Variants in EVC observed in about 807,000 individuals in gnomAD.
The protein encoded by EVC is EvC ciliary complex subunit 1, also known as evC complex member EVC.
EVC carries 116 observed loss-of-function variants against 118.9 expected under a neutral mutation model. The observed-to-expected ratio is 0.98, with a 90% CI of 0.84 to 1.14. The LOEUF (loss-of-function observed/expected upper bound fraction) is 1.14, where lower values mean the gene tolerates loss of function less well. Ranked by LOEUF, EVC falls within the 50% of genes most tolerant of loss-of-function variation. EVC has a pLI of 0.00. For synonymous variants in EVC, 619 were observed against 534.7 expected (o/e 1.16, Z -2.18); for missense variants, 1,401 against 1,246.4 (o/e 1.12, Z -1.87).
At position 5,738,906 on chromosome 4, in the gene EVC, C is replaced by G. The variant is rs961531899; in HGVS notation, c.703-2810C>G. Among the ~76,000 whole-genome samples the G allele has an allele frequency of 4.6e-5, 7 of 152,082 alleles. No individual in the cohort carries two copies. The highest frequency in any genetic ancestry group is 8.8e-5 in the Non-Finnish European group (6 of 68,018). On this transcript the variant is annotated intron_variant, in intron 5 of 20. Coordinates refer to ENST00000264956, the MANE Select transcript of EVC (RefSeq NM_153717.3). The surrounding 1 kb of genome is among the most constrained non-coding windows in gnomAD (Gnocchi z 6.5). ...AATAATCATCTTAGGCTCAGATGATCATTAGCATTTTTTAGGAAGAAGTTA... is the reference window on the plus strand; with the variant it reads ...AATAATCATCTTAGGCTCAGATGATGATTAGCATTTTTTAGGAAGAAGTTA...
At chr4:5,824,295 C>T in the EVC span, 4 of 985,230 alleles carry the variant, frequency 4.1e-6, no homozygotes, top group Non-Finnish European at 4.8e-6. Flanking sequence ...TGACTTTTAG[C>T]ATTCTATTTA....
In EVC at chr4:5,746,884, A is replaced by G. The variant is rs960415739; in HGVS notation, c.940-1264A>G. Among the ~76,000 whole-genome samples the G allele has an allele frequency of 2.0e-5, 3 of 152,180 alleles. No homozygotes were observed. The highest frequency in any genetic ancestry group is 4.4e-5 in the Non-Finnish European group (3 of 68,032). ...AGAGGAGGAATTGGATGGGCTTTGC[A>G]GAAGCAGGAGAAAATCATGTCATGG... On this transcript the variant is annotated intron_variant, in intron 7 of 20. Transcript: ENST00000264956. The surrounding 1 kb of genome is among the most constrained non-coding windows in gnomAD (Gnocchi z 5.8).
intron 2 of EVC, among the ~76,000 whole-genome samples, chr4:5,723,322 T>A (rs1021821777): frequency 2.0e-4 from 31 of 152,040 alleles, no homozygotes; most frequent in African/African-American, 7.5e-4. Flanking sequence ...CCTGAGTAGC[T>A]GGGATTACAG....
chr4:5,715,172 A>G (rs1470194114), intron 1 of EVC, among the ~76,000 whole-genome samples: 1 of 152,010 alleles, frequency 6.6e-6, no homozygotes, highest in Admixed American at 6.6e-5. Context: ...TCTCCCCCAC[A>G]TATGTGCGTT....
chr4:5,741,933 T>C, intron 6 of EVC, 119 bp downstream of exon 6: 3 of 567,584 alleles, frequency 5.3e-6, no homozygotes, highest in Non-Finnish European at 6.3e-6. Flanking sequence ...ATATATACTT[T>C]TCAACACAGT....
the EVC span, chr4:5,825,091 G>A: frequency 1.0e-6 from 1 of 985,326 alleles, no homozygotes; most frequent in Non-Finnish European, 1.2e-6. The surrounding 1 kb of genome is among the most constrained non-coding windows in gnomAD (Gnocchi z 4.4). Context: ...CACTGCAGTG[G>A]GTGAACAGGC....
chr4:5,805,222 C>G (rs892672676), intron 17 of EVC, among the ~76,000 whole-genome samples: 6 of 152,154 alleles, frequency 3.9e-5, no homozygotes, highest in African/African-American at 9.7e-5. Context: ...CGCAGAGGCA[C>G]AGTGAGAGGG....
chr4:5,801,603 C>G (rs1199930246), intron 15 of EVC: 4 of 286,034 alleles, frequency 1.4e-5, no homozygotes, highest in South Asian at 7.4e-5. Flanking sequence ...TCACTTGAAC[C>G]TGGGAGATGG....
chr4:5,766,916 C>T (rs542270753), intron 11 of EVC, among the ~76,000 whole-genome samples: 4 of 152,180 alleles, frequency 2.6e-5, no homozygotes, highest in Admixed American at 2.6e-4. Context: ...AAGTCATTCT[C>T]CATCCAGCTT....
chr4:5,780,238 A>C (rs57848926), intron 11 of EVC, among the ~76,000 whole-genome samples: 1 of 152,352 alleles, frequency 6.6e-6, no homozygotes, highest in African/African-American at 2.4e-5. Context: ...CCATGATTTG[A>C]ATGAAATTTA....
At chr4:5,745,480 A>C (rs1577408371) in intron 7 of EVC, 139 bp downstream of exon 7, 2 of 854,442 alleles carry the variant, frequency 2.3e-6, no homozygotes, top group Admixed American at 2.2e-5. Context: ...GGCAGGATCC[A>C]GTTTCTGATG....
At position 5,813,791 on chromosome 4, in the gene EVC, AG is replaced by A. The variant is rs963284895; in HGVS notation, c.*2757del. ...CTTCTGGGGTGTCTTCCTTAGCCAA[AG>A]GGAACGTGTCATTTGCTCGACCCTG... On this transcript the variant is annotated 3_prime_UTR_variant, in exon 21 of 21. Coordinates refer to ENST00000264956, the MANE Select transcript of EVC (RefSeq NM_153717.3). 13 of 152,266 alleles carry A rather than the reference AG, an allele frequency of 8.5e-5. No homozygotes were observed. The highest frequency in any genetic ancestry group is 3.1e-4 in the African/African-American group (13 of 41,548). The allele number at this position is 152,266 out of a possible 1,614,324, so 9.4% of individuals were successfully genotyped here.
intron 5 of EVC, among the ~76,000 whole-genome samples, chr4:5,740,938 C>T (rs1426878189): frequency 1.3e-5 from 2 of 152,156 alleles, no homozygotes; most frequent in East Asian, 1.9e-4. Context: ...AGTGACACCA[C>T]CAAATTCTGG....
rs534792653 is a variant in EVC at position 5,810,224 on chromosome 4, C to T, written c.2783-115C>T. On this transcript the variant is annotated intron_variant, in intron 19 of 20. Transcript: ENST00000264956. ...GCAATAGCATAAGATACCAAGCATA[C>T]ACTTGGCCCACACAACATGCTCAAA... 4 of 791,656 alleles carry T rather than the reference C, an allele frequency of 5.1e-6. No individual in the cohort carries two copies. The African/African-American group carries it at 6.8e-5, about 13-fold the overall frequency. The allele number at this position is 791,656 out of a possible 1,614,324, so 49.0% of individuals were successfully genotyped here. A position where few individuals can be genotyped will look rare whatever the true frequency, so the allele number is the denominator to read the frequency against.
Position 5,807,728 on chromosome 4 carries a change from C to T in EVC, c.2562-473C>T, listed in dbSNP as rs561234428. On this transcript the variant is annotated intron_variant, in intron 17 of 20. Coordinates refer to ENST00000264956, the MANE Select transcript of EVC (RefSeq NM_153717.3). ...GCTTCTCATTTTACGAGGGAGGGGC[C>T]GGGGCAGTTCTGAGATTTAAACTCA... Among the ~76,000 whole-genome samples the T allele has an allele frequency of 3.9e-5, 6 of 152,236 alleles. No individual in the cohort carries two copies. The South Asian group carries it at 1.2e-3, about 32-fold the overall frequency.
chr4:5,809,781 C>A (rs930392756), intron 19 of EVC, among the ~76,000 whole-genome samples, 170 bp downstream of exon 19: 2 of 152,214 alleles, frequency 1.3e-5, no homozygotes. Flanking sequence ...GGCCACCCCT[C>A]AGGCCCACTT....
chr4:5,761,678 C>G (rs1420852984), intron 11 of EVC, among the ~76,000 whole-genome samples: 2 of 151,830 alleles, frequency 1.3e-5, no homozygotes, highest in Non-Finnish European at 2.9e-5. Context: ...GGAAGATAAG[C>G]CAGCCGTCAA....
At chr4:5,816,524 G>A (rs958343333), downstream of EVC, among the ~76,000 whole-genome samples, 1 of 152,078 alleles carries the variant, frequency 6.6e-6, no homozygotes, top group Non-Finnish European at 1.5e-5. Flanking sequence ...GTAGAACTGT[G>A]CAGCACCAGA....
chr4:5,733,209 G>A (rs1577367526), intron 4 of EVC, 142 bp from the exon 5 acceptor site: 2 of 748,422 alleles, frequency 2.7e-6, no homozygotes, highest in East Asian at 2.6e-5. Context: ...CCTGGAGTGA[G>A]CGTAAGGACC....
Sources: gnomAD v4.1 joint callset for allele counts (sites outside exome capture counted in the v4.1 genomes callset) on GRCh38, gnomAD v4.1.1 for gene constraint, Gnocchi (gnomAD v3.1) non-coding constraint, MANE v1.5 for transcripts, NCBI Gene and HGNC (gene_info 2026-07-23, HGNC 2026-07-21) for gene names.